The following RASGRF2 variants were observed in gnomAD, a reference collection of about 807,000 sequenced individuals.
The protein encoded by RASGRF2 is ras-specific guanine nucleotide-releasing factor 2.
A neutral mutation model predicts 151.0 loss-of-function variants in RASGRF2; 76 were observed. That is an observed-to-expected ratio of 0.50 (90% confidence interval 0.42 to 0.61). The LOEUF is 0.61. Ranked by LOEUF, RASGRF2 falls within the 20% of genes least tolerant of loss-of-function variation. The pLI, the probability that RASGRF2 is intolerant of heterozygous loss-of-function variation, is 0.00. For missense variants in RASGRF2, 1,148 were observed against 1,564.6 expected (o/e 0.73, Z 4.49); for synonymous variants, 504 against 566.5 (o/e 0.89, Z 1.57).
At chr5:81,104,832 T>C (rs1014684279) in intron 12 of RASGRF2, among the ~76,000 whole-genome samples, 8 of 152,152 alleles carry the variant, frequency 5.3e-5, no homozygotes, top group African/African-American at 1.9e-4. Flanking sequence ...GGAAAGCACT[T>C]GCTTCTTATG....
chr5:80,994,376 A>AG (rs1458733979), intron 1 of RASGRF2, among the ~76,000 whole-genome samples: 1 of 151,430 alleles, frequency 6.6e-6, no homozygotes, highest in African/African-American at 2.4e-5. Context: ...AAAAAAAAAA[A>AG]AAAAAAAGAG....
rs898265923 is a variant in RASGRF2 at position 81,080,663 on chromosome 5, C to T, written c.1035C>T (p.Tyr345=). 2.5e-6 allele frequency: 4 copies of T among 1,614,014 alleles called. No homozygotes were observed. Among genetic ancestry groups the T allele is most frequent in the African/African-American group, 1.3e-5 (1 of 74,942 alleles). The change falls in exon 7 of 27, where the codon TAC becomes TAT. Residue 345 remains tyrosine, a synonymous_variant. Transcript: ENST00000265080. The stretch of plus-strand genomic sequence containing the variant: ...AAGAATTTGTGCGTAATCACCAGTA[C>T]AGCCTGCAAGTTCTCGCCAATTGTA... ...IYQEFVRNHQ[Y]SLQVLANCKQ...
chr5:81,216,348 TAC>T (rs10648156), intron 24 of RASGRF2, among the ~76,000 whole-genome samples: 58 of 147,516 alleles, frequency 3.9e-4, no homozygotes, highest in Non-Finnish European at 7.0e-4. Context: ...ATTCCCTTTC[TAC>T]ACACACACAC....
chr5:81,011,483 T>C (rs1350001948), intron 1 of RASGRF2, among the ~76,000 whole-genome samples: 2 of 152,230 alleles, frequency 1.3e-5, no homozygotes, highest in Non-Finnish European at 2.9e-5. Context: ...GGCTCATGCC[T>C]GTAATCCCAG....
chr5:81,070,330 T>C lies in RASGRF2; in HGVS notation c.544-162T>C, dbSNP rs571351413. On this transcript the variant is annotated intron_variant, in intron 3 of 26. Transcript: ENST00000265080. ...TGGTGATACCATGCTTGGGGTAAAG[T>C]TCATGTTTCCCCCATCTCAGCACCA... 48 of 603,582 alleles carry C rather than the reference T, an allele frequency of 8.0e-5. No homozygotes were observed. In the East Asian group the frequency reaches 1.0e-3, roughly 13 times the overall value. 37.4% of individuals were successfully genotyped at this position (603,582 alleles called of 1,614,324 possible).
intron 19 of RASGRF2, among the ~76,000 whole-genome samples, chr5:81,202,052 G>A (rs1755407498): frequency 6.6e-6 from 1 of 152,146 alleles, no homozygotes; most frequent in Non-Finnish European, 1.5e-5. Flanking sequence ...TAGAGATTGT[G>A]TCCATAGTTG....
chr5:81,042,941 A>G lies in RASGRF2; in HGVS notation c.353A>G (p.Glu118Gly), dbSNP rs1456024246. The change falls in exon 2 of 27, where the codon GAG (glutamate) becomes GGG (glycine). Residue 118 changes from glutamate (E) to glycine (G), a missense_variant. Around this residue, in one of 5 missense-constraint regions of RASGRF2, gnomAD observed 221 missense variants for 271.3 expected, o/e 0.81. Coordinates refer to ENST00000265080, the MANE Select transcript of RASGRF2 (RefSeq NM_006909.3). Reference sequence around the variant, plus strand: ...CCACTGGAGCTGCGCTGTGAGGAGGAGCAGGATGGTAAAGAGTGGATGGAG... The same window carrying G: ...CCACTGGAGCTGCGCTGTGAGGAGGGGCAGGATGGTAAAGAGTGGATGGAG... Reference protein sequence around the residue: ...QKPLELRCEEEQDGKEWMEAI... With the variant: ...QKPLELRCEEGQDGKEWMEAI... The G allele has an allele frequency of 6.2e-7, 1 of 1,612,910 alleles. No homozygotes were observed. The highest frequency in any genetic ancestry group is 2.2e-5 in the East Asian group (1 of 44,858).
chr5:80,987,082 T>A (rs1368032171), intron 1 of RASGRF2, among the ~76,000 whole-genome samples: 2 of 152,210 alleles, frequency 1.3e-5, no homozygotes, highest in Non-Finnish European at 2.9e-5. Context: ...GAGCTCCTTT[T>A]CTACAGAAGA....
At chr5:81,168,862 T>A (rs1754577577) in intron 17 of RASGRF2, among the ~76,000 whole-genome samples, 1 of 152,212 alleles carries the variant, frequency 6.6e-6, no homozygotes, top group African/African-American at 2.4e-5. Flanking sequence ...GACACAGCGA[T>A]CACTTCTTCC....
chr5:81,072,398 C>T (rs552565735), intron 4 of RASGRF2, among the ~76,000 whole-genome samples: 2 of 152,032 alleles, frequency 1.3e-5, no homozygotes, highest in African/African-American at 2.4e-5. Context: ...TTGTTTAATA[C>T]GTGATCATTT....
intron 1 of RASGRF2, among the ~76,000 whole-genome samples, chr5:80,963,230 A>G (rs745994261): frequency 3.9e-5 from 6 of 152,228 alleles, no homozygotes; most frequent in Non-Finnish European, 4.4e-5. Context: ...ACACTGAGAC[A>G]CGAAGGATCT....
At chr5:80,982,842 T>C (rs923646875) in intron 1 of RASGRF2, among the ~76,000 whole-genome samples, 7 of 152,002 alleles carry the variant, frequency 4.6e-5, no homozygotes, top group Middle Eastern at 3.2e-3. Flanking sequence ...CCTCATGATC[T>C]GCCCGCCTGG....
chr5:81,023,003 C>T (rs1749884689), intron 1 of RASGRF2, among the ~76,000 whole-genome samples: 2 of 145,272 alleles, frequency 1.4e-5, no homozygotes, highest in South Asian at 4.4e-4. Flanking sequence ...TTTGAGGTTC[C>T]TAGGTGGAGC....
chr5:81,071,199 T>C (rs764569276), intron 4 of RASGRF2, among the ~76,000 whole-genome samples: 1 of 152,246 alleles, frequency 6.6e-6, no homozygotes, highest in Non-Finnish European at 1.5e-5. Context: ...ACTACTCAGC[T>C]TTGTTAATAA....
chr5:81,212,693 C>T, intron 23 of RASGRF2, 130 bp downstream of exon 23: 2 of 843,248 alleles, frequency 2.4e-6, no homozygotes, highest in East Asian at 2.7e-5. Flanking sequence ...AGAAAGGTGC[C>T]AACATGGGTA....
rs565141153 is a variant in RASGRF2, at chr5:81,094,729, G to T, written c.1619-127G>T. 3.2e-3 allele frequency: 3,247 copies of T among 1,023,326 alleles called. 10 individuals are homozygous for T. Among genetic ancestry groups the T allele is most frequent in the Non-Finnish European group, 3.7e-3 (2,613 of 709,586 alleles). 63.4% of individuals were successfully genotyped at this position (1,023,326 alleles called of 1,614,324 possible). A position where few individuals can be genotyped will look rare whatever the true frequency, so the allele number is the denominator to read the frequency against. The stretch of plus-strand genomic sequence containing the variant: ...AGCCCTCTTCATGCCTGAGAAGTAC[G>T]ATATTGCTGAAATGAGAGTCCCGAT... On this transcript the variant is annotated intron_variant, in intron 11 of 26. Coordinates refer to ENST00000265080, the MANE Select transcript of RASGRF2 (RefSeq NM_006909.3).
intron 12 of RASGRF2, 64 bp from the exon 13 acceptor site, chr5:81,108,932 G>A (rs1034032371): frequency 6.5e-7 from 1 of 1,543,414 alleles, no homozygotes; most frequent in African/African-American, 1.4e-5. Context: ...ATAAACAATT[G>A]TGGGAATATA....
At chr5:81,035,273 T>C (rs1406250001) in intron 1 of RASGRF2, among the ~76,000 whole-genome samples, 3 of 152,212 alleles carry the variant, frequency 2.0e-5, no homozygotes, top group Admixed American at 1.3e-4. Context: ...CATGGAATAC[T>C]ATGCAGCCAT....
chr5:80,969,815 CTTTTTTTT>C (rs10584906), intron 1 of RASGRF2, among the ~76,000 whole-genome samples: 5 of 76,940 alleles, frequency 6.5e-5, no homozygotes, highest in African/African-American at 2.7e-4. Flanking sequence ...ACTTCTTCTT[CTTTTTTTT>C]TTTTTTTTTT....
Sources: gnomAD v4.1 joint callset for allele counts (sites outside exome capture counted in the v4.1 genomes callset) on GRCh38, gnomAD v4.1.1 for gene constraint, gnomAD v4.1.1 regional missense constraint, MANE v1.5 for transcripts, NCBI Gene and HGNC (gene_info 2026-07-23, HGNC 2026-07-21) for gene names.